Variants in ST8SIA6 observed in about 807,000 individuals in gnomAD.
The protein encoded by ST8SIA6 is ST8 alpha-N-acetyl-neuraminide alpha-2,8-sialyltransferase 6, also known as alpha-2,8-sialyltransferase 8F.
A neutral mutation model predicts 33.6 loss-of-function variants in ST8SIA6; 39 were observed. The ratio of observed to expected loss-of-function variants is 1.16; its 90% CI spans 0.90 to 1.52. The LOEUF is 1.52. Among genes scored for constraint, ST8SIA6 ranks in the 40% most tolerant of loss-of-function variants. The pLI is 0.00. For synonymous variants in ST8SIA6, 172 were observed against 167.2 expected, an observed-to-expected ratio of 1.03 and a Z score of -0.22; for missense variants, 441 against 443.8, an observed-to-expected ratio of 0.99 and a Z score of 0.06.
chr10:17,417,211 G>A (rs779091823), intron 2 of ST8SIA6, among the ~76,000 whole-genome samples: 4 of 152,080 alleles, frequency 2.6e-5, no homozygotes, highest in African/African-American at 9.7e-5. Flanking sequence ...TGAACTCAGA[G>A]AATAAGAACT....
chr10:17,378,294 C>T (rs552770951), intron 3 of ST8SIA6, among the ~76,000 whole-genome samples: 10 of 152,304 alleles, frequency 6.6e-5, no homozygotes, highest in East Asian at 1.9e-4. Context: ...TTTTCATCCT[C>T]GCTCACTCAG....
At chr10:17,452,021 T>C (rs1267647656) in intron 2 of ST8SIA6, among the ~76,000 whole-genome samples, 3 of 152,218 alleles carry the variant, frequency 2.0e-5, no homozygotes, top group African/African-American at 4.8e-5. Context: ...AACCATTTAA[T>C]GAGTACATTC....
intron 3 of ST8SIA6, among the ~76,000 whole-genome samples, chr10:17,374,209 TAAAA>T (rs34878315): frequency 6.8e-6 from 1 of 147,392 alleles, no homozygotes; most frequent in Admixed American, 6.8e-5. Flanking sequence ...CTGAGGGAGT[TAAAA>T]AAAAAAGTCA....
chr10:17,351,176 A>G (rs1218018879), intron 4 of ST8SIA6, among the ~76,000 whole-genome samples: 2 of 151,962 alleles, frequency 1.3e-5, no homozygotes, highest in Non-Finnish European at 2.9e-5. Flanking sequence ...CACCTGGCCT[A>G]GTGCAGAAGA....
At chr10:17,322,141 G>C (rs1460624025) in intron 7 of ST8SIA6, among the ~76,000 whole-genome samples, 1 of 147,180 alleles carries the variant, frequency 6.8e-6, no homozygotes, top group Non-Finnish European at 1.5e-5. Flanking sequence ...AGGAAGGAAG[G>C]GAGAAAGAGG....
intron 3 of ST8SIA6, among the ~76,000 whole-genome samples, chr10:17,377,291 C>T (rs2166125): frequency 0.19 from 28,883 of 152,096 alleles, 3,132 homozygotes; most frequent in East Asian, 0.5. Context: ...CCCCTCTCTC[C>T]CTTTGCTGAC....
chr10:17,423,499 G>A (rs984635771), intron 2 of ST8SIA6, among the ~76,000 whole-genome samples: 1 of 152,118 alleles, frequency 6.6e-6, no homozygotes, highest in Non-Finnish European at 1.5e-5. Context: ...TTACATTACA[G>A]GTGCTCCAAA....
chr10:17,318,416 A>G lies in ST8SIA6; in HGVS notation c.*2462T>C. 3.2e-6 allele frequency: 1 copy of G among 314,448 alleles called. No individual in the cohort carries two copies. The highest frequency in any genetic ancestry group is 8.4e-5 in the East Asian group (1 of 11,964). The allele number at this position is 314,448 out of a possible 1,614,324, so 19.5% of individuals were successfully genotyped here. On this transcript the variant is annotated 3_prime_UTR_variant, in exon 8 of 8. Coordinates refer to ENST00000377602, the MANE Select transcript of ST8SIA6 (RefSeq NM_001004470.3). ...TTTTTTGTAGAGAAGGGTACTCACT[A>G]TGTTGCCCAGGCTAGTCTCAAACTC...
intron 2 of ST8SIA6, among the ~76,000 whole-genome samples, chr10:17,390,915 A>G (rs1016083201): frequency 3.9e-4 from 59 of 150,056 alleles, no homozygotes; most frequent in African/African-American, 1.4e-3. Flanking sequence ...CTGGCGTGCA[A>G]TGGCACAATC....
intron 3 of ST8SIA6, among the ~76,000 whole-genome samples, chr10:17,369,906 ATCTATTGTATCTTTGAG>A (rs1849676813): frequency 6.6e-6 from 1 of 151,586 alleles, no homozygotes. Context: ...TTTACTTTCA[ATCTATTGTATCTTTGAG>A]TCTAAAGTGT....
chr10:17,419,353 GA>G (rs1851706637), intron 2 of ST8SIA6, among the ~76,000 whole-genome samples: 1 of 152,078 alleles, frequency 6.6e-6, no homozygotes, highest in South Asian at 2.1e-4. Flanking sequence ...GCAACATGGT[GA>G]GACTTTGTCT....
chr10:17,429,435 A>G (rs1852033136), intron 2 of ST8SIA6, among the ~76,000 whole-genome samples: 1 of 150,656 alleles, frequency 6.6e-6, no homozygotes, highest in South Asian at 2.1e-4. Context: ...CTCCACCTGG[A>G]TGGTTGCTTA....
chr10:17,362,364 A>G (rs568515318), intron 3 of ST8SIA6, among the ~76,000 whole-genome samples: 3 of 152,336 alleles, frequency 2.0e-5, no homozygotes, highest in East Asian at 3.9e-4. Context: ...ACTAAAAATT[A>G]TATTTTCAAT....
rs1186076326 is a variant in ST8SIA6, at chr10:17,341,909, A to AAAAC, written c.378-10358_378-10357insGTTT. 8.6e-5 allele frequency among the ~76,000 whole-genome samples: 13 copies of AAAAC among 150,606 alleles called. 1 individual carries two copies. The highest frequency in any genetic ancestry group is 3.2e-4 in the African/African-American group (13 of 41,002). On this transcript the variant is annotated intron_variant, in intron 4 of 7. Transcript: ENST00000377602. ...GAGCAAGGCTCCATCTCAAAAAAAA[A>AAAAC]AAAAAAAAAAAACAAAAAGAAAGAA...
At chr10:17,413,929 C>G (rs1286542856) in intron 2 of ST8SIA6, among the ~76,000 whole-genome samples, 1 of 152,114 alleles carries the variant, frequency 6.6e-6, no homozygotes, top group Non-Finnish European at 1.5e-5. Flanking sequence ...GAATATATTA[C>G]TGTTAATGTC....
intron 3 of ST8SIA6, among the ~76,000 whole-genome samples, chr10:17,383,261 T>C (rs1588867399): frequency 6.6e-6 from 1 of 152,346 alleles, no homozygotes; most frequent in Non-Finnish European, 1.5e-5. Flanking sequence ...TTATCAATTA[T>C]GTCTTTTTCT....
At chr10:17,416,228 C>G (rs1851603384) in intron 2 of ST8SIA6, among the ~76,000 whole-genome samples, 1 of 152,140 alleles carries the variant, frequency 6.6e-6, no homozygotes, top group Non-Finnish European at 1.5e-5. Flanking sequence ...CTCTGCCTCT[C>G]CTTTGCTGGC....
intron 2 of ST8SIA6, among the ~76,000 whole-genome samples, chr10:17,396,941 C>T (rs568655830): frequency 6.6e-6 from 1 of 152,338 alleles, no homozygotes; most frequent in East Asian, 1.9e-4. Context: ...CTGGCTTCCA[C>T]CACAGTCCTC....
chr10:17,334,962 A>G (rs1441461775), intron 4 of ST8SIA6, among the ~76,000 whole-genome samples: 1 of 152,210 alleles, frequency 6.6e-6, no homozygotes, highest in Non-Finnish European at 1.5e-5. Flanking sequence ...CTTAAAGTCA[A>G]AGAGATTTCT....
Sources: allele counts gnomAD v4.1 joint callset (sites outside exome capture counted in the v4.1 genomes callset), GRCh38; gene constraint gnomAD v4.1.1; transcripts MANE v1.5; gene names NCBI Gene and HGNC (gene_info 2026-07-23, HGNC 2026-07-21).